The following SGO1 variants were observed in gnomAD, a reference collection of about 807,000 sequenced individuals.
SGO1 encodes serologically defined breast cancer antigen NY-BR-85.
SGO1 carries 39 observed loss-of-function variants against 50.5 expected under a neutral mutation model. That is an observed-to-expected ratio of 0.77 (90% CI 0.60 to 1.01). SGO1 has a LOEUF of 1.01. Ranked by LOEUF, SGO1 falls within the 50% of genes least tolerant of loss-of-function variation. The probability of loss-of-function intolerance (pLI) is 0.00; values close to 1 mark genes in which losing one functional copy is unlikely to be tolerated. For missense variants in SGO1, 638 were observed against 606.0 expected (o/e 1.05, Z -0.55); for synonymous variants, 191 against 205.1 (o/e 0.93, Z 0.59).
chr3:20,169,650 T>G lies in SGO1; in HGVS notation c.*1054A>C. On this transcript the variant is annotated 3_prime_UTR_variant, in exon 8 of 8. Coordinates refer to ENST00000412997, the MANE Select transcript of SGO1 (RefSeq NM_001199251.3). ...ACCCTAAATATTCACACATTTAATC[T>G]CTGAGATTTCTGACTAAATAAGGAG... 1.0e-6 allele frequency: 1 copy of G among 971,528 alleles called. No homozygotes were observed. The highest frequency in any genetic ancestry group is 1.2e-6 in the Non-Finnish European group (1 of 817,370). 60.2% of individuals were successfully genotyped at this position (971,528 alleles called of 1,614,324 possible). A position where few individuals can be genotyped will look rare whatever the true frequency, so the allele number is the denominator to read the frequency against.
At chr3:20,168,926 C>T (rs1700458567), downstream of SGO1, 6 of 984,852 alleles carry the variant, frequency 6.1e-6, no homozygotes, top group Middle Eastern at 5.2e-4. Context: ...AGTAGTTTCT[C>T]GTGCCTGGCT....
At chr3:20,175,875 C>T (rs998462919) in intron 5 of SGO1, among the ~76,000 whole-genome samples, 24 of 151,956 alleles carry the variant, frequency 1.6e-4, no homozygotes, top group South Asian at 1.0e-3. Flanking sequence ...TCATTGAGTA[C>T]AGATTCAGAG....
At chr3:20,164,925 A>T (rs941036479), downstream of SGO1, among the ~76,000 whole-genome samples, 5 of 152,200 alleles carry the variant, frequency 3.3e-5, no homozygotes, top group African/African-American at 4.8e-5. Context: ...CTTAACCTAT[A>T]CCTCAGGAAT....
At chr3:20,182,191 G>A (rs1559373623) in intron 3 of SGO1, among the ~76,000 whole-genome samples, 1 of 151,974 alleles carries the variant, frequency 6.6e-6, no homozygotes, top group African/African-American at 2.4e-5. Flanking sequence ...GTCTATGTGT[G>A]TATATATGTA....
At chr3:20,162,794 T>A (rs1700106062) in intron 8 of SGO1, among the ~76,000 whole-genome samples, 1 of 149,928 alleles carries the variant, frequency 6.7e-6, no homozygotes, top group Admixed American at 6.6e-5. Context: ...ATGGAATTTC[T>A]AGAGGTAAAA....
Position 20,170,066 on chromosome 3 carries a change from A to C in SGO1, c.*638T>G. On this transcript the variant is annotated 3_prime_UTR_variant, in exon 8 of 8. Coordinates refer to ENST00000412997, the MANE Select transcript of SGO1 (RefSeq NM_001199251.3). ...GATGCCAGAAGCTTATAATTAAAAG[A>C]TCTTATTTGAGTAATCATTATTCAT... 7 of 985,252 alleles carry C rather than the reference A, an allele frequency of 7.1e-6. No individual in the cohort carries two copies. The highest frequency in any genetic ancestry group is 8.4e-6 in the Non-Finnish European group (7 of 829,754). 61.0% of individuals were successfully genotyped at this position (985,252 alleles called of 1,614,324 possible). A position where few individuals can be genotyped will look rare whatever the true frequency, so the allele number is the denominator to read the frequency against.
rs747004936 is a variant in SGO1 at position 20,174,912 on chromosome 3, T to C, written c.619A>G (p.Ser207Gly). Residue 207 changes from serine to glycine, a missense_variant, in exon 6 of 8, where the codon AGC becomes GGC. By Grantham distance (56) the Ser-to-Gly change is moderately conservative. Coordinates refer to ENST00000412997, the MANE Select transcript of SGO1 (RefSeq NM_001199251.3). ...TGACTGGTTTCAAAATCATCCAAGC[T>C]ATCAAACTGACATATACTGTTACAA... ...KHCNSICQFD[S>G]LDDFETSHLA... 3 of 1,614,096 alleles carry C rather than the reference T, an allele frequency of 1.9e-6. No individual in the cohort carries two copies. The South Asian group carries it at 3.3e-5, about 18-fold the overall frequency.
intron 6 of SGO1, 113 bp downstream of exon 6, chr3:20,174,136 G>A (rs775761603): frequency 2.5e-5 from 21 of 840,010 alleles, no homozygotes; most frequent in Non-Finnish European, 3.4e-5. Flanking sequence ...AGAGACAGAT[G>A]GTAAGTCTCC....
intron 4 of SGO1, among the ~76,000 whole-genome samples, chr3:20,177,918 A>C: frequency 6.8e-6 from 1 of 146,282 alleles, no homozygotes. Flanking sequence ...GAACCAGACT[A>C]TTCAGAGGGC....
At chr3:20,185,081 TGGAATCTTAAATATAG>T (rs1215959060) in intron 1 of SGO1, among the ~76,000 whole-genome samples, 4 of 152,358 alleles carry the variant, frequency 2.6e-5, no homozygotes, top group Middle Eastern at 3.4e-3. Context: ...ATGCAGTGTC[TGGAATCTTAAATATAG>T]GTATTGTAGA....
In SGO1 at chr3:20,174,727, T is replaced by C. The variant is rs1318026898; in HGVS notation, c.804A>G (p.Thr268=). 3 of 1,613,936 alleles carry C rather than the reference T, an allele frequency of 1.9e-6. No homozygotes were observed. Among genetic ancestry groups the C allele is most frequent in the Non-Finnish European group, 8.5e-7 (1 of 1,180,030 alleles). ...KLIQPGTFTK[T]KEDILESKSE... Reference sequence around the variant, plus strand: ...ATTTAGATTCTAAAATGTCTTCTTTTGTTTTAGTAAACGTTCCTGGCTGAA... The same window carrying C: ...ATTTAGATTCTAAAATGTCTTCTTTCGTTTTAGTAAACGTTCCTGGCTGAA... Residue 268 remains threonine, a synonymous_variant, in exon 6 of 8, where the codon ACA becomes ACG. Coordinates refer to ENST00000412997, the MANE Select transcript of SGO1 (RefSeq NM_001199251.3).
chr3:20,169,028 G>C (rs912588388), downstream of SGO1: 3 of 983,964 alleles, frequency 3.0e-6, no homozygotes, highest in African/African-American at 3.5e-5. Context: ...GAAGGGAGTA[G>C]TAAGAAAAAA....
At position 20,183,986 on chromosome 3, in the gene SGO1, A is replaced by T. The variant is rs745356788; in HGVS notation, c.42T>A (p.Ser14Arg). The T allele has an allele frequency of 1.2e-6, 2 of 1,605,256 alleles. No homozygotes were observed. The highest frequency in any genetic ancestry group is 1.7e-6 in the Non-Finnish European group (2 of 1,178,026). ...TCATTCGCTTCTTTATGTCTTCAAG[A>T]CTATCTTGAAAGGACTTTTTCAGGC... is the stretch of plus-strand genomic sequence containing the variant. ...ERCLKKSFQD[S>R]LEDIKKRMKE... is the part of the protein sequence containing the mutation. The change falls in exon 2 of 8, where the codon AGT becomes AGA. Residue 14 changes from serine to arginine, a missense_variant. Physicochemically the swap from Ser to Arg is moderately radical, Grantham distance 110 (BLOSUM62 -1). Transcript: ENST00000412997.
At chr3:20,166,974 GC>G (rs1330234062), downstream of SGO1, among the ~76,000 whole-genome samples, 3 of 151,254 alleles carry the variant, frequency 2.0e-5, no homozygotes, top group African/African-American at 7.3e-5. Flanking sequence ...CCACTGCACT[GC>G]AGCCTGGGTG....
At chr3:20,175,592 C>T (rs1266103880) in intron 5 of SGO1, among the ~76,000 whole-genome samples, 1 of 151,398 alleles carries the variant, frequency 6.6e-6, no homozygotes, top group Non-Finnish European at 1.5e-5. Flanking sequence ...GTCAGGAGAT[C>T]GAGACCATCC....
At chr3:20,168,988 A>C, downstream of SGO1, 1 of 985,176 alleles carries the variant, frequency 1.0e-6, no homozygotes, top group South Asian at 4.7e-5. Context: ...TAGCTACTCT[A>C]GTGTTTCCAT....
At chr3:20,175,134 T>TA in intron 5 of SGO1, 79 bp from the exon 6 acceptor site, 4 of 1,323,750 alleles carry the variant, frequency 3.0e-6, no homozygotes, top group Non-Finnish European at 3.9e-6. Context: ...GAATTCAAAC[T>TA]AAAAAAGTGA....
intron 4 of SGO1, among the ~76,000 whole-genome samples, chr3:20,177,624 G>T (rs1485892936): frequency 6.6e-6 from 1 of 152,142 alleles, no homozygotes; most frequent in Non-Finnish European, 1.5e-5. Flanking sequence ...CTACAACAAA[G>T]AATTATCTGG....
At chr3:20,174,021 TTC>T (rs1277993839) in intron 6 of SGO1, among the ~76,000 whole-genome samples, 1 of 152,130 alleles carries the variant, frequency 6.6e-6, no homozygotes, top group Non-Finnish European at 1.5e-5. Flanking sequence ...AAAATAAAAA[TTC>T]TGTCTCCATA....
Sources: gnomAD v4.1 joint callset for allele counts (sites outside exome capture counted in the v4.1 genomes callset) on GRCh38, gnomAD v4.1.1 for gene constraint, MANE v1.5 for transcripts, NCBI Gene and HGNC (gene_info 2026-07-23, HGNC 2026-07-21) for gene names.